Variants in HS6ST3 observed in about 807,000 individuals in gnomAD.
HS6ST3 encodes the protein heparan-sulfate 6-O-sulfotransferase 3.
HS6ST3 carries 12 observed loss-of-function variants against 36.7 expected under a neutral mutation model. The observed-to-expected ratio is 0.33, with a 90% confidence interval of 0.21 to 0.53. HS6ST3 has a LOEUF of 0.53. HS6ST3 is among the 20% of genes least tolerant of loss of function. The pLI is 0.95. For synonymous variants in HS6ST3, 240 were observed against 257.5 expected (o/e 0.93, Z 0.65); for missense variants, 584 against 640.9 (o/e 0.91, Z 0.96).
intron 1 of HS6ST3, among the ~76,000 whole-genome samples, chr13:96,307,663 T>C (rs1423847396): frequency 1.3e-5 from 2 of 152,252 alleles, no homozygotes; most frequent in South Asian, 2.1e-4. Flanking sequence ...AAATGGGCAG[T>C]AAATATTATA....
intron 1 of HS6ST3, among the ~76,000 whole-genome samples, chr13:96,353,483 A>G (rs936352646): frequency 1.3e-5 from 2 of 152,070 alleles, no homozygotes; most frequent in East Asian, 3.9e-4. Flanking sequence ...CATTCTTTAC[A>G]CTAAAATTCC....
chr13:96,740,062 C>T (rs924300339), intron 1 of HS6ST3, among the ~76,000 whole-genome samples: 3 of 152,148 alleles, frequency 2.0e-5, no homozygotes, highest in Admixed American at 2.0e-4. Context: ...CCTCTCAAGA[C>T]TCCCTACCTA....
intron 1 of HS6ST3, among the ~76,000 whole-genome samples, chr13:96,464,019 GTTTTTTTTT>G (rs66703746): frequency 0.023 from 2,872 of 127,362 alleles, 36 homozygotes; most frequent in Non-Finnish European, 0.032. Flanking sequence ...CCATAGACAG[GTTTTTTTTT>G]TTTTTTTTTT....
chr13:96,203,622 T>TA (rs1288457056), intron 1 of HS6ST3, among the ~76,000 whole-genome samples: 1 of 152,230 alleles, frequency 6.6e-6, no homozygotes, highest in Non-Finnish European at 1.5e-5. Flanking sequence ...ACCCCCTTCT[T>TA]ACTTGGACTC....
intron 1 of HS6ST3, among the ~76,000 whole-genome samples, chr13:96,413,264 T>G (rs1410719116): frequency 6.6e-6 from 1 of 152,228 alleles, no homozygotes; most frequent in East Asian, 1.9e-4. Flanking sequence ...TTAGATAGAT[T>G]GTTTCTTGAG....
chr13:96,163,371 A>T (rs1166054988), intron 1 of HS6ST3, among the ~76,000 whole-genome samples: 1 of 151,664 alleles, frequency 6.6e-6, no homozygotes, highest in Non-Finnish European at 1.5e-5. Context: ...CTGGGACTAC[A>T]GGCGCCCACC....
chr13:96,824,482 G>A (rs531803886), intron 1 of HS6ST3, among the ~76,000 whole-genome samples: 142 of 152,252 alleles, frequency 9.3e-4, no homozygotes, highest in African/African-American at 3.2e-3. Flanking sequence ...TGAATCAAAG[G>A]CCTTTTCGTA....
At chr13:96,787,712 T>C (rs538927240) in intron 1 of HS6ST3, among the ~76,000 whole-genome samples, 5 of 152,198 alleles carry the variant, frequency 3.3e-5, no homozygotes, top group African/African-American at 1.2e-4. Flanking sequence ...GACTGTAGCT[T>C]GTCAGTTCTT....
intron 1 of HS6ST3, among the ~76,000 whole-genome samples, chr13:96,301,808 G>T (rs900397790): frequency 6.6e-6 from 1 of 151,014 alleles, no homozygotes; most frequent in African/African-American, 2.4e-5. Flanking sequence ...TACTCGGCAG[G>T]GAGAATTGCT....
At chr13:96,688,835 C>T (rs984234588) in intron 1 of HS6ST3, among the ~76,000 whole-genome samples, 1 of 152,046 alleles carries the variant, frequency 6.6e-6, no homozygotes, top group Non-Finnish European at 1.5e-5. Context: ...CTTTGCCAAT[C>T]CTCATTTACC....
intron 1 of HS6ST3, among the ~76,000 whole-genome samples, chr13:96,677,121 T>C (rs1396846419): frequency 3.3e-5 from 5 of 152,152 alleles, no homozygotes; most frequent in African/African-American, 1.2e-4. Context: ...ATTGCTTCAA[T>C]TGGAACTTAG....
At chr13:96,494,732 C>T (rs192773751) in intron 1 of HS6ST3, among the ~76,000 whole-genome samples, 4 of 152,058 alleles carry the variant, frequency 2.6e-5, no homozygotes, top group South Asian at 4.2e-4. Flanking sequence ...CCTTTCAGCA[C>T]GTCTTCGGTA....
chr13:96,435,219 T>G (rs1008454565), intron 1 of HS6ST3, among the ~76,000 whole-genome samples: 1 of 152,202 alleles, frequency 6.6e-6, no homozygotes, highest in Non-Finnish European at 1.5e-5. Flanking sequence ...AGATAGAAAT[T>G]CTCCTCATCG....
chr13:96,160,620 C>T (rs2139328454), intron 1 of HS6ST3, among the ~76,000 whole-genome samples: 1 of 152,274 alleles, frequency 6.6e-6, no homozygotes, highest in African/African-American at 2.4e-5. Context: ...ATTTAACTTC[C>T]ATTTACTCTG....
At chr13:96,253,686 C>G (rs1250743195) in intron 1 of HS6ST3, among the ~76,000 whole-genome samples, 1 of 152,152 alleles carries the variant, frequency 6.6e-6, no homozygotes, top group South Asian at 2.1e-4. Context: ...TTTCCTTCCC[C>G]CTGGCAGCAG....
chr13:96,661,519 G>A (rs61967756), intron 1 of HS6ST3, among the ~76,000 whole-genome samples: 12,805 of 152,158 alleles, frequency 0.084, 684 homozygotes, highest in Admixed American at 0.16. Flanking sequence ...CTTGAAGGCA[G>A]TATATGGGTG....
At chr13:96,717,950 A>G (rs563563905) in intron 1 of HS6ST3, among the ~76,000 whole-genome samples, 2 of 152,304 alleles carry the variant, frequency 1.3e-5, no homozygotes, top group South Asian at 4.1e-4. Flanking sequence ...ACTGAGGACC[A>G]TTACATTTGA....
intron 1 of HS6ST3, among the ~76,000 whole-genome samples, chr13:96,630,512 C>T (rs184061727): frequency 3.9e-5 from 6 of 152,166 alleles, no homozygotes; most frequent in East Asian, 1.9e-4. Context: ...TGCCCTCACT[C>T]GCCTTTCCTG....
intron 1 of HS6ST3, among the ~76,000 whole-genome samples, chr13:96,132,242 A>AAT (rs2053979981): frequency 6.6e-6 from 1 of 152,040 alleles, no homozygotes; most frequent in African/African-American, 2.4e-5. Context: ...AGCTATTACG[A>AAT]ATAGTTCTAC....
Sources: gnomAD v4.1 joint callset for allele counts (sites outside exome capture counted in the v4.1 genomes callset) on GRCh38, gnomAD v4.1.1 for gene constraint, MANE v1.5 for transcripts, NCBI Gene and HGNC (gene_info 2026-07-23, HGNC 2026-07-21) for gene names.